Variants in KIF20B observed in about 807,000 individuals in gnomAD.
KIF20B encodes kinesin-like protein KIF20B.
In KIF20B, 188 loss-of-function variants were observed where a neutral mutation model predicts 232.5. That is an observed-to-expected ratio of 0.81 (90% confidence interval 0.72 to 0.91). The LOEUF (loss-of-function observed/expected upper bound fraction) is 0.91, where lower values mean the gene tolerates loss of function less well. KIF20B is among the 40% of genes least tolerant of loss of function. KIF20B has a pLI of 0.00. For missense variants in KIF20B, 2,154 were observed against 2,055.9 expected, an observed-to-expected ratio of 1.05 and a Z score of -0.92; for synonymous variants, 712 against 683.0, an observed-to-expected ratio of 1.04 and a Z score of -0.66.
chr10:89,731,307 A>G (rs892358877), intron 18 of KIF20B, among the ~76,000 whole-genome samples: 2 of 152,196 alleles, frequency 1.3e-5, no homozygotes, highest in African/African-American at 4.8e-5. Context: ...TAAGGAAGTG[A>G]TAGTAAAAAA....
intron 2 of KIF20B, among the ~76,000 whole-genome samples, chr10:89,707,590 C>A (rs1046210333): frequency 2.7e-5 from 4 of 147,852 alleles, no homozygotes; most frequent in Non-Finnish European, 4.5e-5. Flanking sequence ...TTTCTTTTTC[C>A]TTTCCTTTTC....
At chr10:89,767,966 T>G (rs1444299914) in intron 29 of KIF20B, among the ~76,000 whole-genome samples, 4 of 152,044 alleles carry the variant, frequency 2.6e-5, no homozygotes, top group African/African-American at 9.7e-5. Flanking sequence ...ACACCTTCAG[T>G]CAGGGTTTCT....
At chr10:89,711,786 T>G (rs1842841887) in intron 6 of KIF20B, among the ~76,000 whole-genome samples, 1 of 152,150 alleles carries the variant, frequency 6.6e-6, no homozygotes, top group Non-Finnish European at 1.5e-5. Flanking sequence ...CATGTGCGTT[T>G]TATCTGTTAT....
intron 17 of KIF20B, 52 bp downstream of exon 17, chr10:89,727,948 G>A: frequency 2.1e-6 from 3 of 1,429,338 alleles, no homozygotes; most frequent in South Asian, 1.3e-5. Context: ...TTAACAAAGG[G>A]GTATGAATGA....
chr10:89,718,200 A>G (rs1403345011), intron 11 of KIF20B, among the ~76,000 whole-genome samples: 8 of 151,954 alleles, frequency 5.3e-5, no homozygotes, highest in Admixed American at 4.6e-4. Context: ...TATAATTTAC[A>G]TAGTGGGTTA....
chr10:89,716,082 A>T (rs1394218868), intron 8 of KIF20B, among the ~76,000 whole-genome samples: 2 of 152,190 alleles, frequency 1.3e-5, no homozygotes, highest in Admixed American at 6.5e-5. Context: ...AATAAATTAC[A>T]ATCTTCAGTG....
chr10:89,728,895 T>G (rs1391462214), intron 17 of KIF20B, among the ~76,000 whole-genome samples: 1 of 144,128 alleles, frequency 6.9e-6, no homozygotes, highest in Non-Finnish European at 1.5e-5. Flanking sequence ...CTATATAGCT[T>G]CTTTTTTCTT....
intron 9 of KIF20B, among the ~76,000 whole-genome samples, chr10:89,716,937 G>A (rs1842946802): frequency 6.6e-6 from 1 of 152,044 alleles, no homozygotes; most frequent in Admixed American, 6.6e-5. Context: ...TGGGATTGGG[G>A]GATGAGAGGC....
intron 22 of KIF20B, among the ~76,000 whole-genome samples, chr10:89,745,179 A>G (rs1841883085): frequency 6.6e-6 from 1 of 152,194 alleles, no homozygotes; most frequent in Non-Finnish European, 1.5e-5. Flanking sequence ...GGTTTGTAAG[A>G]AAACATTTAT....
chr10:89,770,394 C>T (rs764922649), intron 31 of KIF20B, among the ~76,000 whole-genome samples: 13 of 151,942 alleles, frequency 8.6e-5, no homozygotes, highest in Non-Finnish European at 1.3e-4. Context: ...GAGGGACAAA[C>T]AGCAAACTGT....
At chr10:89,764,057 C>T (rs904505227) in intron 29 of KIF20B, among the ~76,000 whole-genome samples, 1 of 119,094 alleles carries the variant, frequency 8.4e-6, no homozygotes, top group African/African-American at 3.2e-5. Flanking sequence ...TCCCCCCACC[C>T]CACAACAGTC....
Position 89,711,148 on chromosome 10 carries a change from A to G in KIF20B, c.675+3A>G. 1 of 1,515,742 alleles carries G rather than the reference A, an allele frequency of 6.6e-7. No individual in the cohort carries two copies. Among genetic ancestry groups the G allele is most frequent in the Non-Finnish European group, 8.9e-7 (1 of 1,124,714 alleles). The allele number at this position is 1,515,742 out of a possible 1,614,324, so 93.9% of individuals were successfully genotyped here. A position where few individuals can be genotyped will look rare whatever the true frequency, so the allele number is the denominator to read the frequency against. On this transcript the variant is annotated splice_donor_region_variant and intron_variant, in intron 6 of 32. Coordinates refer to ENST00000371728, the MANE Select transcript of KIF20B (RefSeq NM_001284259.2). ...CATTGCTTCGGCAAATTAAAGAGGT[A>G]TGGAAATATTTTAGTATGTAAAATA...
intron 25 of KIF20B, among the ~76,000 whole-genome samples, 168 bp from the exon 26 acceptor site, chr10:89,754,345 GTTATT>G (rs1459546489): frequency 2.6e-5 from 4 of 151,898 alleles, no homozygotes; most frequent in Admixed American, 2.0e-4. Context: ...AAGCAAACCA[GTTATT>G]TTATTATTTT....
intron 18 of KIF20B, among the ~76,000 whole-genome samples, chr10:89,730,959 G>A (rs1225319276): frequency 6.6e-6 from 1 of 152,152 alleles, no homozygotes; most frequent in African/African-American, 2.4e-5. Flanking sequence ...AGTTGATGAG[G>A]ACTTCGATTT....
At chr10:89,734,760 G>A in intron 19 of KIF20B, among the ~76,000 whole-genome samples, 1 of 152,090 alleles carries the variant, frequency 6.6e-6, no homozygotes, top group East Asian at 1.9e-4. Flanking sequence ...AAACTTAATG[G>A]GTTTGAATTT....
At chr10:89,711,327 C>T (rs530983815) in intron 6 of KIF20B, among the ~76,000 whole-genome samples, 182 bp downstream of exon 6, 1 of 152,254 alleles carries the variant, frequency 6.6e-6, no homozygotes, top group East Asian at 1.9e-4. Flanking sequence ...ATTATACCAA[C>T]AGCAAGAATG....
intron 5 of KIF20B, among the ~76,000 whole-genome samples, chr10:89,710,662 G>A (rs1335404333): frequency 6.6e-6 from 1 of 152,176 alleles, no homozygotes; most frequent in African/African-American, 2.4e-5. Context: ...TAAATGACCA[G>A]AAGAAATTTT....
At chr10:89,752,457 T>C (rs569468126) in intron 24 of KIF20B, 110 bp from the exon 25 acceptor site, 16 of 730,688 alleles carry the variant, frequency 2.2e-5, no homozygotes, top group Non-Finnish European at 3.3e-5. Context: ...TTGGTCTGTG[T>C]TCTTTATCTG....
intron 19 of KIF20B, chr10:89,733,293 A>G (rs1176070270): frequency 1.2e-5 from 5 of 402,270 alleles, no homozygotes; most frequent in African/African-American, 2.1e-5. Context: ...TTCGCAGTCT[A>G]TGTAATAATT....
Sources: allele counts gnomAD v4.1 joint callset (sites outside exome capture counted in the v4.1 genomes callset), GRCh38; gene constraint gnomAD v4.1.1; transcripts MANE v1.5; gene names NCBI Gene and HGNC (gene_info 2026-07-23, HGNC 2026-07-21).